USP4: variants seen among roughly 807,000 people sequenced by gnomAD.
The protein encoded by USP4 is ubiquitin specific peptidase 4.
USP4 carries 72 observed loss-of-function variants against 118.2 expected under a neutral mutation model. The ratio of observed to expected loss-of-function variants is 0.61; its 90% CI spans 0.50 to 0.74. The LOEUF is 0.74. USP4 is among the 30% of genes least tolerant of loss of function. The pLI is 0.00. For missense variants in USP4, 1,037 were observed against 1,185.7 expected (o/e 0.87, Z 1.84); for synonymous variants, 415 against 440.4 (o/e 0.94, Z 0.72).
At chr3:49,279,201 G>A (rs1027565388) in intron 20 of USP4, 2 of 177,924 alleles carry the variant, frequency 1.1e-5, no homozygotes, top group Non-Finnish European at 2.4e-5. Context: ...GGATGGCTAT[G>A]TGCAATAATC....
chr3:49,283,881 C>T (rs753016222), intron 19 of USP4, 106 bp downstream of exon 19: 379 of 1,376,826 alleles, frequency 2.8e-4, no homozygotes, highest in Non-Finnish European at 3.7e-4. Context: ...CGGCAACACA[C>T]ATCCTTACTC....
intron 6 of USP4, among the ~76,000 whole-genome samples, chr3:49,315,159 C>T (rs2047422289): frequency 6.6e-6 from 1 of 151,220 alleles, no homozygotes; most frequent in East Asian, 1.9e-4. Context: ...CTTACAATCC[C>T]AGCACTTTGG....
intron 11 of USP4, among the ~76,000 whole-genome samples, chr3:49,300,120 G>A (rs556442129): frequency 6.6e-6 from 1 of 152,022 alleles, no homozygotes; most frequent in Non-Finnish European, 1.5e-5. Context: ...GGTGGTACAC[G>A]CCTGTAATCC....
chr3:49,284,570 A>G lies in USP4; in HGVS notation c.2286T>C (p.His762=). 6.2e-7 allele frequency: 1 copy of G among 1,614,028 alleles called. No individual in the cohort carries two copies. The highest frequency in any genetic ancestry group is 8.5e-7 in the Non-Finnish European group (1 of 1,179,984). The change falls in exon 18 of 22, where the codon CAT becomes CAC. Residue 762 remains histidine (H), a synonymous_variant. Coordinates refer to ENST00000265560, the MANE Select transcript of USP4 (RefSeq NM_003363.4). ...TCTTCTGAGGCTGCAACATGCTCAC[A>G]TGCTTCTCGTAGGCCTATGGGAATC... is the stretch of plus-strand genomic sequence containing the variant. ...DEQESEAYEK[H]VSMLQPQKKK...
chr3:49,286,056 AG>A (rs768260247), intron 16 of USP4, 41 bp downstream of exon 16: 1 of 1,587,722 alleles, frequency 6.3e-7, no homozygotes, highest in South Asian at 1.1e-5. Flanking sequence ...ACAGATCCTA[AG>A]ACCCTAAAGC....
At chr3:49,306,235 C>G (rs954652634) in intron 8 of USP4, among the ~76,000 whole-genome samples, 1 of 134,022 alleles carries the variant, frequency 7.5e-6, no homozygotes, top group Non-Finnish European at 1.6e-5. Flanking sequence ...GAGACAGTTT[C>G]GATCTTGTCC....
chr3:49,295,288 CAAAAAAAAAAAAAAA>C (rs34296887), intron 13 of USP4, among the ~76,000 whole-genome samples: 1 of 11,928 alleles, frequency 8.4e-5, no homozygotes, highest in African/African-American at 2.7e-4. Flanking sequence ...GACTCCATCT[CAAAAAAAAAAAAAAA>C]AAAAAAAAAA....
chr3:49,312,474 C>CAAA, intron 6 of USP4: 7 of 386,084 alleles, frequency 1.8e-5, no homozygotes, highest in Admixed American at 5.6e-5. Context: ...GACTCCATCT[C>CAAA]AAAAAAAAAA....
chr3:49,283,416 C>T (rs1188568411), intron 19 of USP4, among the ~76,000 whole-genome samples: 1 of 152,006 alleles, frequency 6.6e-6, no homozygotes, highest in Non-Finnish European at 1.5e-5. Flanking sequence ...CCCACCTTGG[C>T]CTCCCAAATT....
rs750713703 is a variant in USP4, at chr3:49,284,118, C to T, written c.2409G>A (p.Lys803=). The stretch of plus-strand genomic sequence containing the variant: ...ACTTTTTTGTGGCCTGTTGATGCTT[C>T]TTACAGTTGGGACAGTACCTAAAAA... ...EHDPWYCPNC[K]KHQQATKKFD... is the part of the protein sequence containing the mutation. The change falls in exon 19 of 22, where the codon AAG becomes AAA. Residue 803 remains lysine (K), a synonymous_variant. Transcript: ENST00000265560. 8.1e-5 allele frequency: 131 copies of T among 1,614,094 alleles called. No individual in the cohort carries two copies. Among genetic ancestry groups the T allele is most frequent in the Non-Finnish European group, 1.0e-4 (120 of 1,180,054 alleles).
intron 8 of USP4, among the ~76,000 whole-genome samples, chr3:49,306,665 T>C (rs985212348): frequency 6.6e-6 from 1 of 152,156 alleles, no homozygotes; most frequent in African/African-American, 2.4e-5. Flanking sequence ...CCTCGCTCAA[T>C]AATAGCTAAG....
At chr3:49,319,540 AT>A (rs2047477697) in intron 6 of USP4, among the ~76,000 whole-genome samples, 2 of 151,076 alleles carry the variant, frequency 1.3e-5, no homozygotes, top group South Asian at 4.2e-4. Context: ...ATAAGCCACT[AT>A]TTCCATTCCC....
chr3:49,300,496 G>C lies in USP4; in HGVS notation c.1483C>G (p.Pro495Ala). 1 of 1,614,130 alleles carries C rather than the reference G, an allele frequency of 6.2e-7. No homozygotes were observed. Residue 495 changes from proline (P) to alanine (A), a missense_variant, in exon 11 of 22, where the codon CCT becomes GCT. This residue lies in a region of USP4 where 522 missense variants were observed against 592.6 expected (regional missense o/e 0.88). Coordinates refer to ENST00000265560, the MANE Select transcript of USP4 (RefSeq NM_003363.4). ...GTAGGTCTGCAGTGAGGGTCAGCAG[G>C]AACCAGGAAAACCTCCATAACTCGA... is the stretch of plus-strand genomic sequence containing the variant. ...KDRVMEVFLV[P>A]ADPHCRPTQY...
intron 1 of USP4, among the ~76,000 whole-genome samples, chr3:49,336,489 C>A: frequency 6.6e-6 from 1 of 151,498 alleles, no homozygotes; most frequent in Admixed American, 6.6e-5. Flanking sequence ...GGAGTCTTTT[C>A]ATGGGTAAAA....
At chr3:49,295,697 C>T (rs984323420) in intron 13 of USP4, among the ~76,000 whole-genome samples, 3 of 147,826 alleles carry the variant, frequency 2.0e-5, no homozygotes, top group Non-Finnish European at 4.5e-5. Flanking sequence ...AACATATGCA[C>T]GTGTGCGCGC....
Position 49,297,871 on chromosome 3 carries a change from C to G in USP4, c.1690G>C (p.Val564Leu), listed in dbSNP as rs144727221. ...CAGCAGAAACTGCTGAGTACTCACA[C>G]GAAAATGTCATCCCGAGGCATGATG... ...NHIMPRDDIF[V>L]YEVCSTSVDG... The change falls in exon 13 of 22, where the codon GTG becomes CTG. Residue 564 changes from valine to leucine, a missense_variant and splice_region_variant. Val to Leu is a conservative substitution (Grantham distance 32). Transcript: ENST00000265560. 1 of 1,613,518 alleles carries G rather than the reference C, an allele frequency of 6.2e-7. No homozygotes were observed. Among genetic ancestry groups the G allele is most frequent in the Admixed American group, 1.7e-5 (1 of 59,988 alleles).
At chr3:49,319,190 T>C (rs2047473260) in intron 6 of USP4, among the ~76,000 whole-genome samples, 1 of 152,048 alleles carries the variant, frequency 6.6e-6, no homozygotes, top group Non-Finnish European at 1.5e-5. Flanking sequence ...TGGTAGGTTT[T>C]AAAAAAGTTA....
intron 10 of USP4, among the ~76,000 whole-genome samples, chr3:49,301,742 C>T (rs1422876901): frequency 1.3e-5 from 2 of 152,012 alleles, no homozygotes; most frequent in African/African-American, 4.8e-5. Flanking sequence ...TACTACAGCT[C>T]AGCTAACTCA....
intron 6 of USP4, chr3:49,317,456 GGGTC>G: frequency 6.4e-6 from 5 of 786,016 alleles, no homozygotes; most frequent in Non-Finnish European, 8.9e-6. Context: ...ATGCCCTGCT[GGGTC>G]AACATCTCCT....
Sources: gnomAD v4.1 joint callset for allele counts (sites outside exome capture counted in the v4.1 genomes callset) on GRCh38, gnomAD v4.1.1 for gene constraint, gnomAD v4.1.1 regional missense constraint, MANE v1.5 for transcripts, NCBI Gene and HGNC (gene_info 2026-07-23, HGNC 2026-07-21) for gene names.